Variants in SUPT3H observed in about 807,000 individuals in gnomAD.
The protein encoded by SUPT3H is transcription initiation protein SPT3 homolog.
In SUPT3H, 44 loss-of-function variants were observed where a neutral mutation model predicts 44.3. That is an observed-to-expected ratio of 0.99 (90% CI 0.78 to 1.28). The LOEUF is 1.28. Ranked by LOEUF, SUPT3H falls within the 50% of genes most tolerant of loss-of-function variation. SUPT3H has a pLI of 0.00. For synonymous variants in SUPT3H, 124 were observed against 125.6 expected, an observed-to-expected ratio of 0.99 and a Z score of 0.09; for missense variants, 380 against 387.1, an observed-to-expected ratio of 0.98 and a Z score of 0.15.
In SUPT3H at chr6:44,913,495, GACA is replaced by G. The variant is rs1426448647; in HGVS notation, c.912+19155_912+19157del. On this transcript the variant is annotated intron_variant, in intron 10 of 10. Transcript: ENST00000371459. ...AGAAGGGCTCCTCATTAAGAATGTA[GACA>G]ACTACAGTCTGCATGGGAACCTGAT... Among the ~76,000 whole-genome samples the G allele has an allele frequency of 2.0e-5, 3 of 152,252 alleles. No homozygotes were observed. In the East Asian group the frequency reaches 5.8e-4, roughly 29 times the overall value.
intron 10 of SUPT3H, among the ~76,000 whole-genome samples, chr6:44,831,329 T>C (rs1385034593): frequency 6.8e-6 from 1 of 147,340 alleles, no homozygotes; most frequent in East Asian, 2.1e-4. Context: ...AGAACACTTC[T>C]GGATTGAAGA....
intron 3 of SUPT3H, among the ~76,000 whole-genome samples, chr6:45,080,499 A>G (rs1410451139): frequency 1.3e-5 from 2 of 152,088 alleles, no homozygotes; most frequent in Non-Finnish European, 2.9e-5. Flanking sequence ...CGTGTTTACT[A>G]GTCACAATAG....
chr6:45,153,243 T>C (rs1318806135), intron 2 of SUPT3H, among the ~76,000 whole-genome samples: 3 of 152,224 alleles, frequency 2.0e-5, no homozygotes, highest in African/African-American at 2.4e-5. Context: ...ACTTCTGCCA[T>C]TAGAATGTAA....
At position 44,957,200 on chromosome 6, in the gene SUPT3H, A is replaced by C. The variant is rs1431434898; in HGVS notation, c.581-2593T>G. Among the ~76,000 whole-genome samples, 3 of 152,196 alleles carry C rather than the reference A, an allele frequency of 2.0e-5. No homozygotes were observed. In the East Asian group the frequency reaches 5.8e-4, roughly 29 times the overall value. ...ACACTTAATAGTAACTCAAAGCATGATATTTTGATCCTTCTATATAGAATC... is the reference window on the plus strand; with the variant it reads ...ACACTTAATAGTAACTCAAAGCATGCTATTTTGATCCTTCTATATAGAATC... On this transcript the variant is annotated intron_variant, in intron 7 of 10. Transcript: ENST00000371459.
chr6:45,049,009 C>T (rs1383620335), intron 3 of SUPT3H, among the ~76,000 whole-genome samples: 5 of 151,946 alleles, frequency 3.3e-5, no homozygotes, highest in South Asian at 2.1e-4. Flanking sequence ...AATGTATTCT[C>T]GCAAATTGCT....
At position 45,162,507 on chromosome 6, in the gene SUPT3H, G is replaced by C. The variant is rs192459153; in HGVS notation, c.102-56501C>G. Among the ~76,000 whole-genome samples, 257 of 152,246 alleles carry C rather than the reference G, an allele frequency of 1.7e-3. 1 individual carries two copies. The highest frequency in any genetic ancestry group is 5.8e-3 in the African/African-American group (241 of 41,542). ...CCACTGCATTCCAGCCTGGGCAACA[G>C]TGCAAAACCTCAACTCTAAAACAAA... On this transcript the variant is annotated intron_variant, in intron 2 of 10. Transcript: ENST00000371459.
chr6:45,145,631 C>T (rs1338294323), intron 2 of SUPT3H, among the ~76,000 whole-genome samples: 3 of 151,700 alleles, frequency 2.0e-5, no homozygotes, highest in African/African-American at 7.3e-5. Context: ...GACCAAAAAC[C>T]CAAAAGCAAA....
chr6:44,879,079 A>G lies in SUPT3H; in HGVS notation c.913-49222T>C, dbSNP rs142903192. On this transcript the variant is annotated intron_variant, in intron 10 of 10. Transcript: ENST00000371459. The stretch of plus-strand genomic sequence containing the variant: ...CCTGGAATGCCAGTGAGACAGAACC[A>G]TTCACTGCCCTGGAAAGGGGGCTGA... Among the ~76,000 whole-genome samples the G allele has an allele frequency of 4.7e-3, 715 of 152,226 alleles. 7 individuals carry two copies. Among genetic ancestry groups the G allele is most frequent in the African/African-American group, 0.016 (666 of 41,546 alleles).
At chr6:44,848,593 T>C (rs989940655) in intron 10 of SUPT3H, among the ~76,000 whole-genome samples, 3 of 144,112 alleles carry the variant, frequency 2.1e-5, no homozygotes, top group Admixed American at 6.8e-5. Flanking sequence ...TGTGGATCTC[T>C]GCAACTGTCC....
chr6:45,257,965 A>C (rs559557344), intron 2 of SUPT3H, among the ~76,000 whole-genome samples: 1 of 152,372 alleles, frequency 6.6e-6, no homozygotes, highest in South Asian at 2.1e-4. Flanking sequence ...TTCTGTTTTT[A>C]ATAGTGATAT....
chr6:45,027,639 T>C (rs545828291), intron 3 of SUPT3H, among the ~76,000 whole-genome samples: 3 of 152,310 alleles, frequency 2.0e-5, no homozygotes, highest in South Asian at 2.1e-4. Context: ...CTAGAACGGA[T>C]TCAAACTACA....
At chr6:44,881,388 C>T (rs144320381) in intron 10 of SUPT3H, among the ~76,000 whole-genome samples, 2 of 152,064 alleles carry the variant, frequency 1.3e-5, no homozygotes, top group African/African-American at 4.8e-5. Flanking sequence ...ATTCATAAAG[C>T]AAGTTCTTAG....
intron 10 of SUPT3H, among the ~76,000 whole-genome samples, chr6:44,930,378 C>T (rs2153460716): frequency 2.0e-5 from 2 of 97,582 alleles, no homozygotes; most frequent in Middle Eastern, 9.0e-3. Context: ...GAGACTCCGT[C>T]TCAAAAAAAA....
intron 2 of SUPT3H, among the ~76,000 whole-genome samples, chr6:45,248,152 T>C (rs974196049): frequency 6.6e-6 from 1 of 151,906 alleles, no homozygotes; most frequent in Non-Finnish European, 1.5e-5. Flanking sequence ...GAGAAAAAAC[T>C]GAAGAAAATC....
Position 44,828,258 on chromosome 6 carries a change from T to C in SUPT3H, c.*1558A>G, listed in dbSNP as rs1390756223. Among the ~76,000 whole-genome samples, 1 of 150,222 alleles carries C rather than the reference T, an allele frequency of 6.7e-6. No homozygotes were observed. The highest frequency in any genetic ancestry group is 1.5e-5 in the Non-Finnish European group (1 of 67,906). ...TTATGGATGCCAAGGAAAATAAGAA[T>C]GATAAAAAGTTTAATCATAATCATA... is the stretch of plus-strand genomic sequence containing the variant. On this transcript the variant is annotated 3_prime_UTR_variant, in exon 11 of 11. Transcript: ENST00000371459.
intron 3 of SUPT3H, among the ~76,000 whole-genome samples, chr6:45,089,466 AC>A (rs1372995576): frequency 6.6e-6 from 1 of 151,590 alleles, no homozygotes; most frequent in Non-Finnish European, 1.5e-5. Context: ...TTATTCTAAA[AC>A]CCTTCTTCTT....
intron 3 of SUPT3H, among the ~76,000 whole-genome samples, chr6:45,061,973 C>T (rs759622912): frequency 1.4e-5 from 2 of 142,664 alleles, no homozygotes; most frequent in Non-Finnish European, 3.0e-5. Flanking sequence ...TATATGAACA[C>T]TTACACACTA....
At chr6:44,989,660 C>T (rs1264050873) in intron 6 of SUPT3H, among the ~76,000 whole-genome samples, 1 of 152,096 alleles carries the variant, frequency 6.6e-6, no homozygotes, top group Non-Finnish European at 1.5e-5. Context: ...CGCCCTAACA[C>T]TTACCTCTTG....
chr6:44,886,525 G>T (rs1266931101), intron 10 of SUPT3H, among the ~76,000 whole-genome samples: 12 of 152,072 alleles, frequency 7.9e-5, no homozygotes, highest in Admixed American at 2.0e-4. Flanking sequence ...CTAAGCTTCA[G>T]AAGTGAAGGA....
Sources: allele counts gnomAD v4.1 joint callset (sites outside exome capture counted in the v4.1 genomes callset), GRCh38; gene constraint gnomAD v4.1.1; transcripts MANE v1.5; gene names NCBI Gene and HGNC (gene_info 2026-07-23, HGNC 2026-07-21).